TAS2R1: variants seen among roughly 807,000 people sequenced by gnomAD.
The protein encoded by TAS2R1 is taste receptor type 2 member 1.
For missense variants in TAS2R1, 370 were observed against 353.4 expected (o/e 1.05, Z -0.38); for synonymous variants, 141 against 134.2 (o/e 1.05, Z -0.35).
chr5:9,867,863 G>T, the TAS2R1 span, among the ~76,000 whole-genome samples: 1 of 152,182 alleles, frequency 6.6e-6, no homozygotes, highest in Non-Finnish European at 1.5e-5. Flanking sequence ...GGGTAAATAT[G>T]CCCATGCTAA....
intron 1 of TAS2R1, among the ~76,000 whole-genome samples, chr5:9,686,851 T>G (rs918913311): frequency 1.3e-5 from 2 of 152,190 alleles, no homozygotes; most frequent in African/African-American, 4.8e-5. Context: ...AATTGCAATT[T>G]TATTTGAAAA....
chr5:9,649,189 C>T (rs563037733), intron 2 of TAS2R1, among the ~76,000 whole-genome samples: 22 of 152,198 alleles, frequency 1.4e-4, no homozygotes, highest in Middle Eastern at 6.8e-3. Context: ...CGAACAAAAC[C>T]GGGAAGCTAC....
At chr5:9,881,445 T>C in the TAS2R1 span, among the ~76,000 whole-genome samples, 3 of 152,110 alleles carry the variant, frequency 2.0e-5, no homozygotes, top group Non-Finnish European at 2.9e-5. Flanking sequence ...AAGTAATTTA[T>C]AGATTCAATG....
chr5:9,735,180 G>T, the TAS2R1 span, among the ~76,000 whole-genome samples: 4 of 151,448 alleles, frequency 2.6e-5, no homozygotes, highest in East Asian at 7.7e-4. Flanking sequence ...GAAGGCGGAA[G>T]TCTGTCCCTG....
intron 1 of TAS2R1, among the ~76,000 whole-genome samples, chr5:9,662,288 A>G (rs539549339): frequency 8.5e-5 from 13 of 152,280 alleles, no homozygotes; most frequent in Middle Eastern, 3.4e-3. Flanking sequence ...TTACCCCCAA[A>G]TATCAAAGAT....
chr5:9,771,044 C>T, the TAS2R1 span, among the ~76,000 whole-genome samples: 1 of 152,180 alleles, frequency 6.6e-6, no homozygotes, highest in African/African-American at 2.4e-5. Flanking sequence ...TCGTATATGG[C>T]TTGCATTGTG....
chr5:9,692,284 A>G (rs1741261870), intron 1 of TAS2R1, among the ~76,000 whole-genome samples: 1 of 152,122 alleles, frequency 6.6e-6, no homozygotes, highest in African/African-American at 2.4e-5. Flanking sequence ...GATACAGTGC[A>G]CCCTTGCTCC....
At chr5:9,863,742 G>A in the TAS2R1 span, among the ~76,000 whole-genome samples, 1 of 152,214 alleles carries the variant, frequency 6.6e-6, no homozygotes. Context: ...TGTGAAAAGT[G>A]TCTTTGAAGA....
At chr5:9,839,258 A>T in the TAS2R1 span, among the ~76,000 whole-genome samples, 2 of 152,198 alleles carry the variant, frequency 1.3e-5, no homozygotes, top group Admixed American at 1.3e-4. Flanking sequence ...CGGTAAAAGG[A>T]AAAATAATTT....
At chr5:9,796,124 A>G in the TAS2R1 span, among the ~76,000 whole-genome samples, 3 of 152,244 alleles carry the variant, frequency 2.0e-5, no homozygotes, top group African/African-American at 7.2e-5. Context: ...CTGATGTGGC[A>G]TGTCAGGACA....
the TAS2R1 span, among the ~76,000 whole-genome samples, chr5:9,809,975 A>T: frequency 3.9e-5 from 6 of 152,218 alleles, no homozygotes; most frequent in African/African-American, 1.4e-4. Flanking sequence ...GTGGTCATCA[A>T]CTTTACATGG....
chr5:9,701,036 CTCAAAAA>C (rs72414091), intron 1 of TAS2R1, among the ~76,000 whole-genome samples: 5,482 of 152,078 alleles, frequency 0.036, 304 homozygotes, highest in African/African-American at 0.12. Context: ...AGCAACATTT[CTCAAAAA>C]AATGATGGAG....
At chr5:9,884,630 A>C in the TAS2R1 span, among the ~76,000 whole-genome samples, 2 of 152,162 alleles carry the variant, frequency 1.3e-5, no homozygotes, top group East Asian at 3.8e-4. Context: ...TTTATTACTA[A>C]AGTAGCAATC....
chr5:9,899,771 G>A, the TAS2R1 span, among the ~76,000 whole-genome samples: 1 of 152,004 alleles, frequency 6.6e-6, no homozygotes, highest in African/African-American at 2.4e-5. Flanking sequence ...CCTGCTTAAT[G>A]GTCTAGAAAA....
the TAS2R1 span, among the ~76,000 whole-genome samples, chr5:9,745,031 C>G: frequency 6.6e-6 from 1 of 152,156 alleles, no homozygotes; most frequent in Non-Finnish European, 1.5e-5. Context: ...AATGACATTT[C>G]TGCTTGAGGA....
chr5:9,851,198 T>C, the TAS2R1 span, among the ~76,000 whole-genome samples: 2 of 152,136 alleles, frequency 1.3e-5, no homozygotes, highest in African/African-American at 4.8e-5. Context: ...ATAGAGAGAA[T>C]GATACACTCA....
the TAS2R1 span, among the ~76,000 whole-genome samples, chr5:9,718,865 G>A: frequency 6.6e-6 from 1 of 151,788 alleles, no homozygotes; most frequent in African/African-American, 2.4e-5. Context: ...AAGTGAAGGG[G>A]CTACTGTATT....
At chr5:9,877,062 A>C in the TAS2R1 span, among the ~76,000 whole-genome samples, 1 of 152,210 alleles carries the variant, frequency 6.6e-6, no homozygotes, top group South Asian at 2.1e-4. Context: ...GGATCATCAG[A>C]CAGGAATATG....
At chr5:9,731,246 C>T in the TAS2R1 span, among the ~76,000 whole-genome samples, 5 of 152,114 alleles carry the variant, frequency 3.3e-5, no homozygotes, top group African/African-American at 4.8e-5. Context: ...CTCAAAGCAA[C>T]GTCATCTATC....
Sources: gnomAD v4.1 joint callset for allele counts (sites outside exome capture counted in the v4.1 genomes callset) on GRCh38, gnomAD v4.1.1 for gene constraint, MANE v1.5 for transcripts, NCBI Gene and HGNC (gene_info 2026-07-23, HGNC 2026-07-21) for gene names.